The following CDON variants were observed in gnomAD, a reference collection of about 807,000 sequenced individuals.
CDON encodes the protein cell adhesion associated, oncogene regulated.
A neutral mutation model predicts 120.9 loss-of-function variants in CDON; 73 were observed. That is an observed-to-expected ratio of 0.60 (90% confidence interval 0.50 to 0.73). The LOEUF (loss-of-function observed/expected upper bound fraction) is 0.73. Ranked by LOEUF, CDON falls within the 30% of genes least tolerant of loss-of-function variation. CDON has a pLI of 0.00. For synonymous variants in CDON, 566 were observed against 573.5 expected (o/e 0.99, Z 0.19); for missense variants, 1,470 against 1,587.3 (o/e 0.93, Z 1.26).
intron 11 of CDON, among the ~76,000 whole-genome samples, chr11:125,998,012 A>G (rs1946839120): frequency 6.6e-6 from 1 of 152,204 alleles, no homozygotes; most frequent in Admixed American, 6.5e-5. Flanking sequence ...GGAAGACAGG[A>G]TATGTCATTA....
intron 10 of CDON, among the ~76,000 whole-genome samples, 174 bp from the exon 11 acceptor site, chr11:126,002,024 C>T (rs529471062): frequency 6.6e-6 from 1 of 152,006 alleles, no homozygotes; most frequent in Non-Finnish European, 1.5e-5. Flanking sequence ...GAGGAACTGA[C>T]CAAAAATTAC....
chr11:125,989,652 T>C lies in CDON; in HGVS notation c.2758A>G (p.Ile920Val), dbSNP rs1946572181. Reference protein sequence around the residue: ...GGESEFSNVMICETKVKRVPG... With the variant: ...GGESEFSNVMVCETKVKRVPG... The stretch of plus-strand genomic sequence containing the variant: ...ATTCTCCTACCTTTAGTCTCGCAGA[T>C]CATCACATTGCTAAATTCACTTTCT... Residue 920 changes from isoleucine to valine, a missense_variant, in exon 15 of 20, where the codon ATC becomes GTC. Transcript: ENST00000531738. 1.9e-6 allele frequency: 3 copies of C among 1,613,424 alleles called. No homozygotes were observed. Among genetic ancestry groups the C allele is most frequent in the South Asian group, 2.2e-5 (2 of 91,066 alleles).
intron 1 of CDON, among the ~76,000 whole-genome samples, chr11:126,054,654 G>T (rs1948642416): frequency 1.3e-5 from 2 of 152,152 alleles, no homozygotes; most frequent in Admixed American, 6.5e-5. Context: ...AAACTTGTTA[G>T]AAAGGAAGAA....
At chr11:126,021,113 G>T in intron 3 of CDON, 135 bp downstream of exon 3, 1 of 882,336 alleles carries the variant, frequency 1.1e-6, no homozygotes. Flanking sequence ...TATACTCACA[G>T]CAAGAGTCAA....
chr11:126,019,832 T>A lies in CDON; in HGVS notation c.350-67A>T. 8 of 1,448,662 alleles carry A rather than the reference T, an allele frequency of 5.5e-6. No individual in the cohort carries two copies. The Middle Eastern group carries it at 7.1e-4, about 128-fold the overall frequency. 89.7% of individuals were successfully genotyped at this position (1,448,662 alleles called of 1,614,324 possible). ...TTGAATTCTTTTTCCCAAAGGAAAT[T>A]TACAAATTAGAAACAACATCTGCAG... On this transcript the variant is annotated intron_variant, in intron 3 of 19. Coordinates refer to ENST00000531738, the MANE Select transcript of CDON (RefSeq NM_001378964.1).
chr11:126,002,038 GT>G (rs954179945), intron 10 of CDON, among the ~76,000 whole-genome samples, 188 bp from the exon 11 acceptor site: 1 of 150,342 alleles, frequency 6.7e-6, no homozygotes, highest in African/African-American at 2.4e-5. Flanking sequence ...AAATTACTTT[GT>G]TTTTTTCTAG....
intron 7 of CDON, among the ~76,000 whole-genome samples, chr11:126,011,314 G>T (rs181098637): frequency 5.3e-5 from 8 of 152,280 alleles, no homozygotes; most frequent in African/African-American, 7.2e-5. Flanking sequence ...ATGGAATATT[G>T]ATCAAAGTAA....
At chr11:126,047,050 T>C (rs933552034) in intron 1 of CDON, among the ~76,000 whole-genome samples, 2 of 152,224 alleles carry the variant, frequency 1.3e-5, no homozygotes, top group African/African-American at 4.8e-5. Context: ...ATTCATACTT[T>C]TGGGAGAAAA....
At chr11:125,999,865 T>C (rs1264345158) in intron 11 of CDON, among the ~76,000 whole-genome samples, 1 of 152,220 alleles carries the variant, frequency 6.6e-6, no homozygotes, top group Non-Finnish European at 1.5e-5. Flanking sequence ...ACACAAGGCA[T>C]TCCCCACAGT....
chr11:126,031,799 T>G (rs1331743004), intron 1 of CDON, among the ~76,000 whole-genome samples: 4 of 152,222 alleles, frequency 2.6e-5, no homozygotes, highest in Admixed American at 2.6e-4. Context: ...TGACTTCCAG[T>G]GTCCAAAAAT....
In CDON at chr11:125,959,851, C is replaced by G. The variant is rs942433699; in HGVS notation, c.*1091G>C. ...ATGTGTATCTTTCTCTTCAAGCCAC[C>G]ATTTAATGTCTTATTTTGTTCCTAC... On this transcript the variant is annotated 3_prime_UTR_variant, in exon 20 of 20. Coordinates refer to ENST00000531738, the MANE Select transcript of CDON (RefSeq NM_001378964.1). The G allele has an allele frequency of 8.5e-5, 13 of 152,160 alleles. No individual in the cohort carries two copies. Among genetic ancestry groups the G allele is most frequent in the East Asian group, 3.8e-4 (2 of 5,196 alleles). 9.4% of individuals were successfully genotyped at this position (152,160 alleles called of 1,614,324 possible). A position where few individuals can be genotyped will look rare whatever the true frequency, so the allele number is the denominator to read the frequency against.
At chr11:125,981,965 A>ATTTCCTTTTTTTTTTTTTTTTTTT (rs1946318366) in intron 16 of CDON, among the ~76,000 whole-genome samples, 1 of 34,428 alleles carries the variant, frequency 2.9e-5, no homozygotes, top group African/African-American at 8.2e-5. Flanking sequence ...AAGTGATTCT[A>ATTTCCTTTTTTTTTTTTTTTTTTT]TTTTCTTTTT....
intron 7 of CDON, among the ~76,000 whole-genome samples, chr11:126,011,472 C>T (rs1182615758): frequency 6.6e-6 from 1 of 152,154 alleles, no homozygotes; most frequent in Non-Finnish European, 1.5e-5. Flanking sequence ...CATGCATTTT[C>T]CTGAGGACTA....
chr11:126,049,958 G>C (rs1948514309), intron 1 of CDON, among the ~76,000 whole-genome samples: 1 of 152,138 alleles, frequency 6.6e-6, no homozygotes, highest in Admixed American at 6.5e-5. Context: ...TATTCAGCCA[G>C]GATGTACCGT....
At chr11:126,006,998 C>T (rs753699278) in intron 8 of CDON, among the ~76,000 whole-genome samples, 4 of 151,714 alleles carry the variant, frequency 2.6e-5, no homozygotes, top group Non-Finnish European at 5.9e-5. Context: ...CATGGTGCTG[C>T]TGTGAAAAAA....
chr11:125,961,028 C>A lies in CDON; in HGVS notation c.3709G>T (p.Gly1237Cys), dbSNP rs1591538499. 6.2e-7 allele frequency: 1 copy of A among 1,613,930 alleles called. No homozygotes were observed. The highest frequency in any genetic ancestry group is 1.3e-5 in the African/African-American group (1 of 74,896). Residue 1237 changes from glycine (G) to cysteine (C), a missense_variant, in exon 20 of 20, where the codon GGC becomes TGC. Gly to Cys is a radical substitution (Grantham distance 159). Transcript: ENST00000531738. ...GACCACATTGTCTTCTCAGCACAGCCCTCGGGGACAGGTGGCAAAATAAGA... is the reference window on the plus strand; with the variant it reads ...GACCACATTGTCTTCTCAGCACAGCACTCGGGGACAGGTGGCAAAATAAGA... ...NALILPPVPE[G>C]CAEKTMWSPP...
At chr11:125,972,192 G>A (rs1427297379) in intron 18 of CDON, among the ~76,000 whole-genome samples, 3 of 152,154 alleles carry the variant, frequency 2.0e-5, no homozygotes, top group Non-Finnish European at 2.9e-5. Context: ...TTGGGAGGCC[G>A]AGGCGGGCAG....
At chr11:125,986,709 G>A (rs1429741236) in intron 15 of CDON, among the ~76,000 whole-genome samples, 1 of 151,330 alleles carries the variant, frequency 6.6e-6, no homozygotes, top group Non-Finnish European at 1.5e-5. Flanking sequence ...AGATTGCAGT[G>A]AGCCAAGATC....
chr11:125,961,183 C>A, intron 19 of CDON, 78 bp from the exon 20 acceptor site: 4 of 1,296,126 alleles, frequency 3.1e-6, no homozygotes, highest in Non-Finnish European at 4.4e-6. Flanking sequence ...AACTTCTTCA[C>A]ACTTTGAGCC....
Sources: gnomAD v4.1 joint callset for allele counts (sites outside exome capture counted in the v4.1 genomes callset) on GRCh38, gnomAD v4.1.1 for gene constraint, MANE v1.5 for transcripts, NCBI Gene and HGNC (gene_info 2026-07-23, HGNC 2026-07-21) for gene names.